Variants in CTNNA2 observed in about 807,000 individuals in gnomAD.
CTNNA2 encodes the protein catenin alpha 2.
A neutral mutation model predicts 101.0 loss-of-function variants in CTNNA2; 42 were observed. That is an observed-to-expected ratio of 0.42 (90% CI 0.32 to 0.54). The LOEUF is 0.54. Ranked by LOEUF, CTNNA2 falls within the 20% of genes least tolerant of loss-of-function variation. The probability of loss-of-function intolerance (pLI) is 0.14; values close to 1 mark genes in which losing one functional copy is unlikely to be tolerated. For missense variants in CTNNA2, 871 were observed against 1,223.1 expected, an observed-to-expected ratio of 0.71 and a Z score of 4.29; for synonymous variants, 450 against 456.4, an observed-to-expected ratio of 0.99 and a Z score of 0.18.
chr2:80,545,760 T>C (rs1692004798), intron 10 of CTNNA2, 147 bp from the exon 11 acceptor site: 1 of 646,326 alleles, frequency 1.5e-6, no homozygotes, highest in Non-Finnish European at 2.5e-6. Context: ...CCTTTATCTT[T>C]TATGTGTTTG....
chr2:79,686,578 A>G (rs916374505), intron 2 of CTNNA2, among the ~76,000 whole-genome samples: 2 of 152,164 alleles, frequency 1.3e-5, no homozygotes, highest in Non-Finnish European at 2.9e-5. Context: ...AGTGACATAA[A>G]ATAGAGCCTT....
intron 7 of CTNNA2, among the ~76,000 whole-genome samples, chr2:80,146,437 C>A (rs753990859): frequency 1.3e-5 from 2 of 152,052 alleles, no homozygotes; most frequent in Non-Finnish European, 2.9e-5. Context: ...TTAGGAAGTC[C>A]AGTCCCTAAT....
intron 7 of CTNNA2, among the ~76,000 whole-genome samples, chr2:80,308,566 G>A (rs887104451): frequency 2.0e-5 from 3 of 152,156 alleles, no homozygotes; most frequent in African/African-American, 7.2e-5. Flanking sequence ...GGTGCATGGA[G>A]AGGCTGAGGG....
chr2:79,518,273 G>A (rs1255195085), intron 1 of CTNNA2, among the ~76,000 whole-genome samples: 7 of 152,152 alleles, frequency 4.6e-5, no homozygotes, highest in African/African-American at 7.2e-5. Context: ...TTTATGGGAT[G>A]TATTGAGATG....
rs566794086 is a variant in CTNNA2 at position 80,507,916 on chromosome 2, C to T, written c.1291-37066C>T. ...ATGGGTGATTAATGAGCATTGAGTCCTGTGTAGGGACGTTAAGCACTGTGA... is the reference window on the plus strand; with the variant it reads ...ATGGGTGATTAATGAGCATTGAGTCTTGTGTAGGGACGTTAAGCACTGTGA... On this transcript the variant is annotated intron_variant, in intron 9 of 18. Transcript: ENST00000402739. Among the ~76,000 whole-genome samples the T allele has an allele frequency of 3.3e-5, 5 of 152,196 alleles. No homozygotes were observed. In the East Asian group the frequency reaches 9.7e-4, roughly 29 times the overall value.
chr2:79,482,829 C>G (rs573194433), intron 4 of CTNNA2, among the ~76,000 whole-genome samples: 2 of 152,242 alleles, frequency 1.3e-5, no homozygotes, highest in African/African-American at 4.8e-5. Flanking sequence ...ATTTCATCCC[C>G]AAGGGCTTTT....
chr2:80,036,511 G>A (rs375318396), intron 7 of CTNNA2, among the ~76,000 whole-genome samples: 20 of 152,118 alleles, frequency 1.3e-4, no homozygotes, highest in East Asian at 1.9e-4. Context: ...AAGCTGAGGT[G>A]GGAAGATTGC....
At chr2:80,378,710 C>G (rs893362617) in intron 7 of CTNNA2, 15 of 152,146 alleles carry the variant, frequency 9.9e-5, no homozygotes, top group Admixed American at 9.8e-4. Context: ...AGAGAAGCTT[C>G]AAGCACCCAC....
chr2:79,412,906 G>T (rs1428764462), intron 4 of CTNNA2, among the ~76,000 whole-genome samples: 1 of 152,036 alleles, frequency 6.6e-6, no homozygotes, highest in Non-Finnish European at 1.5e-5. Context: ...CTTCCATTTA[G>T]GTGGTTACTT....
In CTNNA2 at chr2:80,539,412, C is replaced by CAA. The variant is rs70940083; in HGVS notation, c.1291-5556_1291-5555dup. On this transcript the variant is annotated intron_variant, in intron 9 of 18. Coordinates refer to ENST00000402739, the MANE Select transcript of CTNNA2 (RefSeq NM_001282597.3). The stretch of plus-strand genomic sequence containing the variant: ...ACTTACAAAGTGTGCCCAGAAGAGC[C>CAA]AAAAAAAAAAAAAAAGTTATATTCA... 7.5e-3 allele frequency among the ~76,000 whole-genome samples: 928 copies of CAA among 123,308 alleles called. 9 individuals carry two copies. The highest frequency in any genetic ancestry group is 0.027 in the Middle Eastern group (6 of 220). The allele number at this position is 123,308 out of a possible 152,430, so 80.9% of individuals were successfully genotyped here.
intron 2 of CTNNA2, among the ~76,000 whole-genome samples, chr2:79,310,052 G>A (rs1385921524): frequency 6.6e-6 from 1 of 152,038 alleles, no homozygotes; most frequent in African/African-American, 2.4e-5. Flanking sequence ...ATTTATTTAT[G>A]TTGGTATTTT....
chr2:79,673,618 G>C (rs1682991218), intron 2 of CTNNA2, among the ~76,000 whole-genome samples: 1 of 152,090 alleles, frequency 6.6e-6, no homozygotes, highest in Admixed American at 6.6e-5. Flanking sequence ...GCAGTTTTAT[G>C]ATTTTGTAAA....
At chr2:79,851,835 A>C (rs1680743155) in intron 3 of CTNNA2, among the ~76,000 whole-genome samples, 1 of 136,870 alleles carries the variant, frequency 7.3e-6, no homozygotes, top group African/African-American at 2.8e-5. Context: ...TACGCCTCCC[A>C]GACTCAAGCG....
chr2:79,702,828 C>T (rs1317638079), intron 2 of CTNNA2, among the ~76,000 whole-genome samples: 2 of 152,110 alleles, frequency 1.3e-5, no homozygotes, highest in Non-Finnish European at 2.9e-5. Flanking sequence ...TCACTATTAT[C>T]CATTTTAGAC....
intron 7 of CTNNA2, among the ~76,000 whole-genome samples, chr2:80,027,826 A>G (rs746335837): frequency 7.2e-5 from 11 of 151,922 alleles, no homozygotes; most frequent in Non-Finnish European, 1.5e-4. Context: ...ATTAAAAATT[A>G]GGTAGACGTG....
At chr2:79,509,062 A>T (rs67684419), upstream of CTNNA2, among the ~76,000 whole-genome samples, 55,236 of 144,628 alleles carry the variant, frequency 0.38, 10,831 homozygotes, top group East Asian at 0.4. Flanking sequence ...AAAAATGAAA[A>T]TTAGAGTTAG....
chr2:79,796,726 C>A (rs6751684), intron 3 of CTNNA2, among the ~76,000 whole-genome samples: 17,243 of 152,112 alleles, frequency 0.11, 1,078 homozygotes, highest in Admixed American at 0.16. Context: ...CATGTAGCAG[C>A]ATCAGTTAGG....
intron 4 of CTNNA2, among the ~76,000 whole-genome samples, chr2:79,420,015 C>T (rs1678524110): frequency 6.6e-6 from 1 of 152,074 alleles, no homozygotes; most frequent in Non-Finnish European, 1.5e-5. Flanking sequence ...CTTGGATGCT[C>T]CCCAGCCTAG....
intron 2 of CTNNA2, among the ~76,000 whole-genome samples, chr2:79,699,777 A>C (rs1292778938): frequency 1.5e-5 from 2 of 135,072 alleles, no homozygotes; most frequent in African/African-American, 5.6e-5. Flanking sequence ...TTTAGTCCAA[A>C]AAGAAAAAAA....
Sources: gnomAD v4.1 joint callset for allele counts (sites outside exome capture counted in the v4.1 genomes callset) on GRCh38, gnomAD v4.1.1 for gene constraint, MANE v1.5 for transcripts, NCBI Gene and HGNC (gene_info 2026-07-23, HGNC 2026-07-21) for gene names.